The following ZSCAN5A variants were observed in gnomAD, a reference collection of about 807,000 sequenced individuals.
ZSCAN5A encodes zinc finger and SCAN domain containing 5A, also known as zinc finger and SCAN domain-containing protein 5A.
A neutral mutation model predicts 23.7 loss-of-function variants in ZSCAN5A; 12 were observed. The observed-to-expected ratio is 0.51, with a 90% CI of 0.32 to 0.82. The LOEUF is 0.82. Ranked by LOEUF, ZSCAN5A falls within the 40% of genes least tolerant of loss-of-function variation. ZSCAN5A has a pLI of 0.03. For missense variants in ZSCAN5A, 597 were observed against 617.9 expected (o/e 0.97, Z 0.36); for synonymous variants, 257 against 239.9 (o/e 1.07, Z -0.66).
At chr19:56,232,338 G>A (rs969315643) in intron 2 of ZSCAN5A, among the ~76,000 whole-genome samples, 2 of 151,750 alleles carry the variant, frequency 1.3e-5, no homozygotes, top group African/African-American at 2.4e-5. Flanking sequence ...TTTTTTTCTG[G>A]CTGTCCCCTT....
chr19:56,234,752 C>T (rs1385504895), intron 2 of ZSCAN5A, among the ~76,000 whole-genome samples: 1 of 152,212 alleles, frequency 6.6e-6, no homozygotes, highest in Non-Finnish European at 1.5e-5. Flanking sequence ...AATCACGACC[C>T]TTTCATGTGA....
upstream of ZSCAN5A, among the ~76,000 whole-genome samples, chr19:56,318,660 TAA>T (rs1418398149): frequency 3.3e-5 from 5 of 152,180 alleles, no homozygotes; most frequent in South Asian, 2.1e-4. Context: ...TACAGATACA[TAA>T]GAGAAAATAA....
intron 2 of ZSCAN5A, among the ~76,000 whole-genome samples, chr19:56,349,393 G>T (rs2041653330): frequency 6.6e-6 from 1 of 152,130 alleles, no homozygotes; most frequent in Non-Finnish European, 1.5e-5. Flanking sequence ...CTCAATATCA[G>T]TGTGAAGAAA....
At chr19:56,287,844 A>C (rs1429132210) in intron 2 of ZSCAN5A, among the ~76,000 whole-genome samples, 1 of 152,202 alleles carries the variant, frequency 6.6e-6, no homozygotes, top group Non-Finnish European at 1.5e-5. Flanking sequence ...ATCCCTTTGC[A>C]TGGATTCTTT....
At chr19:56,345,212 A>G (rs1473851076) in intron 2 of ZSCAN5A, among the ~76,000 whole-genome samples, 1 of 152,192 alleles carries the variant, frequency 6.6e-6, no homozygotes, top group African/African-American at 2.4e-5. Flanking sequence ...GATTTTACTG[A>G]AGTCACATAA....
chr19:56,304,674 AG>A, intron 2 of ZSCAN5A: 1 of 453,048 alleles, frequency 2.2e-6, no homozygotes, highest in Non-Finnish European at 2.9e-6. Context: ...GAAAGAGCAG[AG>A]GGGGAGGACG....
chr19:56,253,267 C>CA (rs60969244), intron 2 of ZSCAN5A, among the ~76,000 whole-genome samples: 1,453 of 108,910 alleles, frequency 0.013, 17 homozygotes, highest in African/African-American at 0.024. Context: ...GAGGCTGTCT[C>CA]AAAAAAAAAA....
At chr19:56,223,318 T>C (rs2033498034) in intron 4 of ZSCAN5A, among the ~76,000 whole-genome samples, 1 of 152,232 alleles carries the variant, frequency 6.6e-6, no homozygotes, top group Middle Eastern at 3.2e-3. Flanking sequence ...AATTATTACA[T>C]TAAATGTCTT....
At chr19:56,302,581 CCCTTTTCTTCCTCT>C (rs2040382159) in intron 2 of ZSCAN5A, among the ~76,000 whole-genome samples, 1 of 39,990 alleles carries the variant, frequency 2.5e-5, no homozygotes, top group Non-Finnish European at 4.1e-5. Context: ...TTCTTCCTCC[CCCTTTTCTTCCTCT>C]CCCTCTTCTT....
intron 2 of ZSCAN5A, among the ~76,000 whole-genome samples, chr19:56,301,114 G>A (rs919135021): frequency 1.3e-5 from 2 of 152,156 alleles, no homozygotes; most frequent in Non-Finnish European, 1.5e-5. Flanking sequence ...CTTGAATCTC[G>A]TGCAAGAAAG....
chr19:56,281,690 C>T, intron 2 of ZSCAN5A: 1 of 985,348 alleles, frequency 1.0e-6, no homozygotes, highest in South Asian at 4.7e-5. Context: ...CTGCCCCTTC[C>T]AGTCAACTGT....
chr19:56,353,284 A>C (rs2869161), intron 2 of ZSCAN5A, among the ~76,000 whole-genome samples: 2 of 152,104 alleles, frequency 1.3e-5, no homozygotes, highest in African/African-American at 4.8e-5. Flanking sequence ...AAGAATATGA[A>C]AGGTGGGAAA....
At chr19:56,364,588 C>T (rs551271986) in intron 1 of ZSCAN5A, among the ~76,000 whole-genome samples, 1 of 152,318 alleles carries the variant, frequency 6.6e-6, no homozygotes, top group Non-Finnish European at 1.5e-5. Flanking sequence ...CATGACCCTA[C>T]CTCTATTACA....
upstream of ZSCAN5A, chr19:56,318,065 C>G (rs1012418250): frequency 6.6e-6 from 1 of 152,188 alleles, no homozygotes; most frequent in Non-Finnish European, 1.5e-5. Flanking sequence ...TGGTAAGATT[C>G]CATTGCCCAG....
At chr19:56,291,880 A>G (rs1408369722) in intron 2 of ZSCAN5A, among the ~76,000 whole-genome samples, 3 of 152,204 alleles carry the variant, frequency 2.0e-5, no homozygotes, top group African/African-American at 7.2e-5. Context: ...GATGACAGTG[A>G]TGGAAATTTA....
At chr19:56,325,354 A>C (rs1390371309) in intron 2 of ZSCAN5A, among the ~76,000 whole-genome samples, 1 of 152,088 alleles carries the variant, frequency 6.6e-6, no homozygotes, top group Non-Finnish European at 1.5e-5. Flanking sequence ...GTCCCGCTTT[A>C]TGGGAGCTCA....
chr19:56,273,710 A>T (rs980518699), intron 2 of ZSCAN5A, among the ~76,000 whole-genome samples: 3 of 152,138 alleles, frequency 2.0e-5, no homozygotes, highest in Non-Finnish European at 4.4e-5. Context: ...AAGGAGGGGC[A>T]TGGTGGTGAG....
chr19:56,300,887 T>C (rs2040181389), intron 2 of ZSCAN5A, among the ~76,000 whole-genome samples: 2 of 152,310 alleles, frequency 1.3e-5, no homozygotes, highest in African/African-American at 4.8e-5. Context: ...AGAAACACTC[T>C]TGCACCTCAT....
intron 2 of ZSCAN5A, chr19:56,266,678 A>C (rs940141529): frequency 1.9e-4 from 29 of 151,458 alleles, no homozygotes; most frequent in Admixed American, 1.6e-3. Flanking sequence ...ACGGGGTTTC[A>C]CCATGTTACC....
Sources: gnomAD v4.1 joint callset for allele counts (sites outside exome capture counted in the v4.1 genomes callset) on GRCh38, gnomAD v4.1.1 for gene constraint, MANE v1.5 for transcripts, NCBI Gene and HGNC (gene_info 2026-07-23, HGNC 2026-07-21) for gene names.